Variants in SATB2 observed in about 807,000 individuals in gnomAD.
The protein encoded by SATB2 is DNA-binding protein SATB2.
Under a neutral mutation model 73.4 loss-of-function variants are expected in SATB2, and 1 was observed. The observed-to-expected ratio is 0.01, with a 90% confidence interval of 0.00 to 0.06. SATB2 has a LOEUF of 0.06. Ranked by LOEUF, SATB2 falls within the 10% of genes least tolerant of loss-of-function variation. SATB2 has a pLI of 1.00. For missense variants in SATB2, 459 were observed against 945.8 expected (o/e 0.49, Z 6.75); for synonymous variants, 397 against 367.0 (o/e 1.08, Z -0.93).
At chr2:199,368,035 C>T (rs529493779) in intron 6 of SATB2, among the ~76,000 whole-genome samples, 1 of 152,090 alleles carries the variant, frequency 6.6e-6, no homozygotes, top group Non-Finnish European at 1.5e-5. Context: ...ATTTAGTCCT[C>T]GCATCTACCC....
At chr2:199,383,737 C>T (rs560731507) in intron 3 of SATB2, among the ~76,000 whole-genome samples, 2 of 152,322 alleles carry the variant, frequency 1.3e-5, no homozygotes, top group East Asian at 1.9e-4. Context: ...GAGATTCATT[C>T]AAGCTGTTGT....
chr2:199,465,746 G>C (rs1267966129), upstream of SATB2, among the ~76,000 whole-genome samples: 1 of 152,200 alleles, frequency 6.6e-6, no homozygotes, highest in African/African-American at 2.4e-5. Flanking sequence ...TTGTGTGGAA[G>C]TTAAAAACAC....
At chr2:199,303,947 T>C (rs1029282900) in intron 10 of SATB2, among the ~76,000 whole-genome samples, 4 of 152,118 alleles carry the variant, frequency 2.6e-5, no homozygotes, top group African/African-American at 9.7e-5. Flanking sequence ...GGAAACAGTG[T>C]GGTGGAAATA....
chr2:199,453,175 A>G (rs894947372), intron 2 of SATB2, among the ~76,000 whole-genome samples: 6 of 152,180 alleles, frequency 3.9e-5, no homozygotes, highest in South Asian at 2.1e-4. Flanking sequence ...TATTTAAACT[A>G]TATTTACCTC....
intron 3 of SATB2, among the ~76,000 whole-genome samples, chr2:199,394,360 A>AT (rs1690237959): frequency 6.6e-6 from 1 of 152,324 alleles, no homozygotes; most frequent in South Asian, 2.1e-4. Context: ...GGAATCACTG[A>AT]TATATGAAGA....
chr2:199,426,900 C>T (rs943582573), intron 3 of SATB2, among the ~76,000 whole-genome samples: 1 of 152,052 alleles, frequency 6.6e-6, no homozygotes. Context: ...CAGAGTCTTT[C>T]TCTGTCGCCC....
intron 3 of SATB2, among the ~76,000 whole-genome samples, chr2:199,411,627 G>A (rs1228621001): frequency 6.6e-6 from 1 of 152,154 alleles, no homozygotes; most frequent in South Asian, 2.1e-4. Flanking sequence ...ACAGAGTCAA[G>A]GTATAAATCC....
At chr2:199,378,922 G>A (rs1357364148) in intron 5 of SATB2, among the ~76,000 whole-genome samples, 1 of 152,146 alleles carries the variant, frequency 6.6e-6, no homozygotes, top group Non-Finnish European at 1.5e-5. Flanking sequence ...CAGGATACAT[G>A]CTCTTACCCA....
intron 3 of SATB2, among the ~76,000 whole-genome samples, chr2:199,415,894 G>C (rs1690964211): frequency 6.6e-6 from 1 of 152,190 alleles, no homozygotes; most frequent in Non-Finnish European, 1.5e-5. Context: ...CTCCATGTGA[G>C]CTGTCCTTCT....
intron 2 of SATB2, among the ~76,000 whole-genome samples, chr2:199,446,501 C>T (rs999725027): frequency 1.3e-5 from 2 of 151,998 alleles, no homozygotes; most frequent in African/African-American, 4.8e-5. Context: ...AACCAAAACA[C>T]TTTCTTTTAA....
rs572157235 is a variant in SATB2 at position 199,445,126 on chromosome 2, A to T, written c.169+10743T>A. On this transcript the variant is annotated intron_variant, in intron 2 of 10. Coordinates refer to ENST00000417098, the MANE Select transcript of SATB2 (RefSeq NM_001172509.2). ...ATAAATGCTTAGTTTGGGTACATGG[A>T]CTGTATTTCAGTCCTACAAATATCA... 3.3e-5 allele frequency among the ~76,000 whole-genome samples: 5 copies of T among 152,302 alleles called. No individual in the cohort carries two copies. In the East Asian group the frequency reaches 9.6e-4, roughly 29 times the overall value.
chr2:199,443,806 C>T (rs114806023), intron 2 of SATB2, among the ~76,000 whole-genome samples: 1 of 151,944 alleles, frequency 6.6e-6, no homozygotes, highest in Non-Finnish European at 1.5e-5. Flanking sequence ...AAAGGGCTAA[C>T]GCTGAAAGGA....
At chr2:199,334,612 T>G (rs1688283691) in intron 7 of SATB2, among the ~76,000 whole-genome samples, 2 of 152,258 alleles carry the variant, frequency 1.3e-5, no homozygotes, top group African/African-American at 2.4e-5. Context: ...TCCTCATGTT[T>G]CACCCCTTTT....
At chr2:199,438,040 T>C (rs1375702773) in intron 2 of SATB2, among the ~76,000 whole-genome samples, 1 of 152,164 alleles carries the variant, frequency 6.6e-6, no homozygotes, top group Non-Finnish European at 1.5e-5. Context: ...ACTTGAAACA[T>C]AGCTAGTCTC....
chr2:199,292,093 A>G (rs1692884471), intron 10 of SATB2, among the ~76,000 whole-genome samples: 1 of 152,162 alleles, frequency 6.6e-6, no homozygotes, highest in African/African-American at 2.4e-5. Context: ...AACACTTCAT[A>G]GGGCAGAAAG....
chr2:199,334,432 T>G (rs1688277496), intron 7 of SATB2, among the ~76,000 whole-genome samples: 1 of 152,140 alleles, frequency 6.6e-6, no homozygotes, highest in Non-Finnish European at 1.5e-5. Flanking sequence ...TTAGTAAAGT[T>G]AAAACAAATC....
At chr2:199,398,393 T>C (rs1161553737) in intron 3 of SATB2, among the ~76,000 whole-genome samples, 4 of 152,194 alleles carry the variant, frequency 2.6e-5, no homozygotes, top group Non-Finnish European at 4.4e-5. Context: ...TTGAAGACAA[T>C]TGAAAAGCAG....
intron 7 of SATB2, among the ~76,000 whole-genome samples, chr2:199,338,917 T>TAAAAAA (rs564809180): frequency 7.8e-6 from 1 of 128,060 alleles, no homozygotes; most frequent in African/African-American, 3.0e-5. Context: ...GACTCTGTCT[T>TAAAAAA]AAAAAAAAAA....
intron 10 of SATB2, among the ~76,000 whole-genome samples, chr2:199,292,032 G>C (rs1692881602): frequency 6.6e-6 from 1 of 151,808 alleles, no homozygotes; most frequent in African/African-American, 2.4e-5. Context: ...GAGATATTTT[G>C]AAAGTAGAGC....
Sources: gnomAD v4.1 joint callset for allele counts (sites outside exome capture counted in the v4.1 genomes callset) on GRCh38, gnomAD v4.1.1 for gene constraint, MANE v1.5 for transcripts, NCBI Gene and HGNC (gene_info 2026-07-23, HGNC 2026-07-21) for gene names.